MCPH1: variants seen among roughly 807,000 people sequenced by gnomAD.
MCPH1 encodes microcephalin.
Under a neutral mutation model 84.5 loss-of-function variants are expected in MCPH1, and 104 were observed. The observed-to-expected ratio is 1.23, with a 90% CI of 1.05 to 1.45. MCPH1 has a LOEUF of 1.45. MCPH1 is among the 40% of genes most tolerant of loss of function. MCPH1 has a pLI of 0.00. For synonymous variants in MCPH1, 514 were observed against 366.8 expected (o/e 1.40, Z -4.58); for missense variants, 1,498 against 1,005.7 (o/e 1.49, Z -6.62).
intron 12 of MCPH1, among the ~76,000 whole-genome samples, chr8:6,550,661 G>T (rs1823483142): frequency 6.6e-6 from 1 of 152,194 alleles, no homozygotes; most frequent in Non-Finnish European, 1.5e-5. Flanking sequence ...AGGGGGTGTG[G>T]ATTTTATATT....
chr8:6,474,281 G>T, intron 9 of MCPH1: 2 of 531,956 alleles, frequency 3.8e-6, no homozygotes, highest in South Asian at 2.1e-5. Flanking sequence ...TTTCAATCCT[G>T]ATTTTGATTC....
rs149413871 is a variant in MCPH1 at position 6,412,789 on chromosome 8, A to G, written c.115-1976A>G. Among the ~76,000 whole-genome samples the G allele has an allele frequency of 2.4e-3, 369 of 152,314 alleles. 1 individual carries two copies. Among genetic ancestry groups the G allele is most frequent in the African/African-American group, 8.6e-3 (357 of 41,576 alleles). Reference sequence around the variant, plus strand: ...CCCGGTAATTCTTAATTGCCTTGATAGCTCCCATGGACTTGATGGGGGTGT... The same window carrying G: ...CCCGGTAATTCTTAATTGCCTTGATGGCTCCCATGGACTTGATGGGGGTGT... On this transcript the variant is annotated intron_variant, in intron 2 of 13. Coordinates refer to ENST00000344683, the MANE Select transcript of MCPH1 (RefSeq NM_024596.5).
intron 12 of MCPH1, among the ~76,000 whole-genome samples, chr8:6,561,369 T>G (rs555547952): frequency 6.6e-6 from 1 of 152,340 alleles, no homozygotes; most frequent in South Asian, 2.1e-4. Context: ...GCTGGGAACA[T>G]TCATTCACAT....
intron 2 of MCPH1, among the ~76,000 whole-genome samples, chr8:6,412,089 G>GC (rs1480942144): frequency 6.6e-6 from 1 of 152,180 alleles, no homozygotes; most frequent in Non-Finnish European, 1.5e-5. Flanking sequence ...AAGAGTGGGT[G>GC]CTACTGAATA....
chr8:6,473,732 C>T lies in MCPH1; in HGVS notation c.1936-3862C>T, dbSNP rs541215105. The T allele has an allele frequency of 2.1e-4, 110 of 520,686 alleles. No homozygotes were observed. In the South Asian group the frequency reaches 4.4e-3, roughly 21 times the overall value. 32.3% of individuals were successfully genotyped at this position (520,686 alleles called of 1,614,324 possible). A position where few individuals can be genotyped will look rare whatever the true frequency, so the allele number is the denominator to read the frequency against. On this transcript the variant is annotated intron_variant, in intron 9 of 13. Coordinates refer to ENST00000344683, the MANE Select transcript of MCPH1 (RefSeq NM_024596.5). ...CATAAACCTTTATACTATCCGCCTGCTGGTCCTGCAACATGAGTTTAATAA... is the reference window on the plus strand; with the variant it reads ...CATAAACCTTTATACTATCCGCCTGTTGGTCCTGCAACATGAGTTTAATAA...
At chr8:6,498,405 A>G (rs965396162) in intron 11 of MCPH1, among the ~76,000 whole-genome samples, 1 of 152,178 alleles carries the variant, frequency 6.6e-6, no homozygotes, top group Non-Finnish European at 1.5e-5. Context: ...TTTTAATACA[A>G]CTGAATTAGT....
chr8:6,511,873 C>G (rs1242616296), intron 12 of MCPH1, among the ~76,000 whole-genome samples: 2 of 151,000 alleles, frequency 1.3e-5, no homozygotes, highest in African/African-American at 2.4e-5. Context: ...TTTATACAAA[C>G]AGCCTAATCC....
chr8:6,601,815 C>T (rs1203007603), intron 12 of MCPH1, among the ~76,000 whole-genome samples: 1 of 142,360 alleles, frequency 7.0e-6, no homozygotes, highest in Non-Finnish European at 1.5e-5. Context: ...ACAAGCCTTT[C>T]CTAATTATCT....
At chr8:6,523,604 T>TGGAGTCTC (rs1408129546) in intron 12 of MCPH1, among the ~76,000 whole-genome samples, 3 of 152,190 alleles carry the variant, frequency 2.0e-5, no homozygotes, top group Non-Finnish European at 4.4e-5. Flanking sequence ...TGTTTTGAGA[T>TGGAGTCTC]GGAGTCTCGG....
intron 12 of MCPH1, among the ~76,000 whole-genome samples, chr8:6,532,129 C>G (rs907465341): frequency 6.6e-5 from 10 of 152,256 alleles, no homozygotes; most frequent in Middle Eastern, 3.4e-3. Context: ...GAAATTTAAC[C>G]TCAGTATTAA....
intron 3 of MCPH1, among the ~76,000 whole-genome samples, chr8:6,419,594 G>C (rs1799868995): frequency 4.6e-5 from 7 of 151,206 alleles, no homozygotes. Context: ...AGTAGAGATG[G>C]GATTTTACCG....
At chr8:6,584,647 C>T (rs1378299986) in intron 12 of MCPH1, among the ~76,000 whole-genome samples, 1 of 152,212 alleles carries the variant, frequency 6.6e-6, no homozygotes, top group Non-Finnish European at 1.5e-5. Flanking sequence ...GTGTTCGCTA[C>T]ACGTCACTTA....
chr8:6,409,425 G>C (rs541027301), intron 2 of MCPH1, 55 bp downstream of exon 2: 45 of 1,379,872 alleles, frequency 3.3e-5, no homozygotes, highest in South Asian at 2.1e-4. Context: ...TTGGTAAAAA[G>C]TTACATTTGC....
intron 13 of MCPH1, among the ~76,000 whole-genome samples, chr8:6,638,933 C>G (rs1797746675): frequency 6.6e-6 from 1 of 152,212 alleles, no homozygotes; most frequent in African/African-American, 2.4e-5. Flanking sequence ...TGCCCGCACA[C>G]TCAGTCACAG....
chr8:6,592,773 G>A (rs1324977314), intron 12 of MCPH1, among the ~76,000 whole-genome samples: 1 of 150,606 alleles, frequency 6.6e-6, no homozygotes, highest in Non-Finnish European at 1.5e-5. Flanking sequence ...TCCAACCTCA[G>A]CCTCCTGGGT....
intron 12 of MCPH1, among the ~76,000 whole-genome samples, chr8:6,596,028 A>G (rs1828900616): frequency 6.6e-6 from 1 of 152,204 alleles, no homozygotes; most frequent in African/African-American, 2.4e-5. Context: ...TCATTTATTT[A>G]TTTTTACAAA....
intron 2 of MCPH1, 134 bp downstream of exon 2, chr8:6,409,504 G>T (rs1416189009): frequency 6.9e-6 from 5 of 722,714 alleles, no homozygotes; most frequent in African/African-American, 1.8e-5. Flanking sequence ...GGAGAAAAAA[G>T]AGCCAAAGTG....
intron 8 of MCPH1, among the ~76,000 whole-genome samples, chr8:6,448,796 T>C (rs767441780): frequency 9.9e-5 from 15 of 152,170 alleles, no homozygotes; most frequent in Non-Finnish European, 2.1e-4. Flanking sequence ...ATAGGTAGGG[T>C]CAGCACACTT....
intron 2 of MCPH1, 130 bp downstream of exon 2, chr8:6,409,500 A>C: frequency 1.4e-6 from 1 of 733,336 alleles, no homozygotes; most frequent in East Asian, 2.7e-5. Flanking sequence ...GGTGGGAGAA[A>C]AAAGAGCCAA....
Sources: gnomAD v4.1 joint callset for allele counts (sites outside exome capture counted in the v4.1 genomes callset) on GRCh38, gnomAD v4.1.1 for gene constraint, MANE v1.5 for transcripts, NCBI Gene and HGNC (gene_info 2026-07-23, HGNC 2026-07-21) for gene names.